Variants in CYP4F11 observed in about 807,000 individuals in gnomAD.
CYP4F11 encodes cytochrome P450 4F11.
In CYP4F11, 79 loss-of-function variants were observed where a neutral mutation model predicts 62.2. The observed-to-expected ratio is 1.27, with a 90% CI of 1.06 to 1.53. The LOEUF is 1.53. Ranked by LOEUF, CYP4F11 falls within the 40% of genes most tolerant of loss-of-function variation. The pLI is 0.00. For synonymous variants in CYP4F11, 290 were observed against 263.7 expected, an observed-to-expected ratio of 1.10 and a Z score of -0.97; for missense variants, 777 against 680.5, an observed-to-expected ratio of 1.14 and a Z score of -1.58.
chr19:15,914,231 C>G (rs1374394869), intron 11 of CYP4F11, 74 bp downstream of exon 11: 1 of 1,508,338 alleles, frequency 6.6e-7, no homozygotes, highest in East Asian at 2.3e-5. Context: ...GAACTGGGAC[C>G]ATCTGTAACT....
chr19:15,929,622 G>A (rs999433125), intron 1 of CYP4F11, 21 bp from the exon 2 acceptor site: 22 of 1,566,780 alleles, frequency 1.4e-5, no homozygotes, highest in East Asian at 6.8e-5. Flanking sequence ...GGCAGAGGCC[G>A]TCAGCCCTTG....
At chr19:15,919,986 A>C (rs1229592127) in intron 8 of CYP4F11, among the ~76,000 whole-genome samples, 1 of 152,178 alleles carries the variant, frequency 6.6e-6, no homozygotes, top group Non-Finnish European at 1.5e-5. Context: ...GGGAGGAAAA[A>C]GTTTTGAGAT....
intron 4 of CYP4F11, among the ~76,000 whole-genome samples, chr19:15,925,129 T>G (rs2089659145): frequency 6.6e-6 from 1 of 152,180 alleles, no homozygotes; most frequent in South Asian, 2.1e-4. Context: ...TGTGTGCTCT[T>G]GGTCAACCTC....
At chr19:15,927,396 G>T (rs1363783993) in intron 3 of CYP4F11, 34 bp downstream of exon 3, 2 of 1,614,050 alleles carry the variant, frequency 1.2e-6, no homozygotes, top group East Asian at 2.2e-5. Flanking sequence ...ATCCCTAAAG[G>T]ATATCCCCAA....
Position 15,934,346 on chromosome 19 carries a change from A to T in CYP4F11, c.63T>A (p.Leu21=). 6.2e-7 allele frequency: 1 copy of T among 1,613,348 alleles called. No individual in the cohort carries two copies. Among genetic ancestry groups the T allele is most frequent in the Non-Finnish European group, 8.5e-7 (1 of 1,179,626 alleles). Residue 21 remains leucine, a synonymous_variant, in exon 1 of 12, where the codon CTT becomes CTA. Transcript: ENST00000402119. ...LGPVAASPWL[L]LLLVGGSWLL... is the part of the protein sequence containing the mutation. The stretch of plus-strand genomic sequence containing the variant: ...GCCAGGAGCCTCCAACCAGCAGCAG[A>T]AGCAGCCACGGGGATGCTGCCACGG...
intron 8 of CYP4F11, among the ~76,000 whole-genome samples, chr19:15,918,582 T>C (rs2089599433): frequency 6.6e-6 from 1 of 152,180 alleles, no homozygotes; most frequent in African/African-American, 2.4e-5. Flanking sequence ...AATTGCACTT[T>C]TGGGAATTTG....
intron 6 of CYP4F11, 25 bp from the exon 7 acceptor site, chr19:15,922,455 C>T (rs1410976676): frequency 1.2e-6 from 2 of 1,611,904 alleles, no homozygotes; most frequent in Non-Finnish European, 1.7e-6. Context: ...AGACAATATC[C>T]CTGCCCCAAA....
intron 8 of CYP4F11, among the ~76,000 whole-genome samples, 162 bp downstream of exon 8, chr19:15,921,875 C>A (rs962274940): frequency 2.0e-5 from 3 of 152,206 alleles, no homozygotes; most frequent in Non-Finnish European, 4.4e-5. Context: ...TGCAAACCAT[C>A]CCCTGCTGGC....
intron 1 of CYP4F11, among the ~76,000 whole-genome samples, chr19:15,931,015 T>C (rs2089710596): frequency 6.6e-6 from 1 of 152,080 alleles, no homozygotes; most frequent in African/African-American, 2.4e-5. Flanking sequence ...CAAGGCCATG[T>C]CCCCCAAATG....
In CYP4F11 at chr19:15,923,907, G is replaced by A. The variant is rs201985393; in HGVS notation, c.823C>T (p.Arg275Cys). Residue 275 changes from arginine (R) to cysteine (C), a missense_variant, in exon 6 of 12, where the codon CGC becomes TGC. Coordinates refer to ENST00000402119, the MANE Select transcript of CYP4F11 (RefSeq NM_021187.4). ...ATACCCTGAGTGGGGAGGGTGCAGC[G>A]CCGCTCCTGGATGACGGCATCTGTG... The part of the protein sequence containing the change: ...DFTDAVIQER[R>C]CTLPTQGIDD... 4.2e-4 allele frequency: 678 copies of A among 1,614,138 alleles called. 1 individual carries two copies. The highest frequency in any genetic ancestry group is 5.3e-4 in the Non-Finnish European group (624 of 1,180,024).
chr19:15,920,427 A>G (rs2089616790), intron 8 of CYP4F11, among the ~76,000 whole-genome samples: 1 of 152,228 alleles, frequency 6.6e-6, no homozygotes, highest in Non-Finnish European at 1.5e-5. Context: ...TGCCAGAGTG[A>G]GGAGTGTGAG....
At chr19:15,934,594 T>C (rs1354172339), upstream of CYP4F11, 2 of 643,546 alleles carry the variant, frequency 3.1e-6, no homozygotes, top group African/African-American at 1.9e-5. Context: ...AGCAGCCAAG[T>C]GGCCTCCAGT....
chr19:15,913,674 G>A lies in CYP4F11; in HGVS notation c.*58C>T. ...TGGCTGTCAACGAGGCTCAAGCAGA[G>A]GTGTCAGCATAGTTTTGTTTCTGGG... On this transcript the variant is annotated 3_prime_UTR_variant, in exon 12 of 12. Coordinates refer to ENST00000402119, the MANE Select transcript of CYP4F11 (RefSeq NM_021187.4). The A allele has an allele frequency of 1.2e-6, 2 of 1,603,996 alleles. No individual in the cohort carries two copies. Among genetic ancestry groups the A allele is most frequent in the Non-Finnish European group, 1.7e-6 (2 of 1,172,210 alleles).
intron 4 of CYP4F11, among the ~76,000 whole-genome samples, chr19:15,925,490 G>T (rs2089661657): frequency 6.6e-6 from 1 of 151,928 alleles, no homozygotes; most frequent in Non-Finnish European, 1.5e-5. Context: ...CTTGGGAGGG[G>T]AACATTACAC....
At chr19:15,930,278 C>G (rs2089702267) in intron 1 of CYP4F11, among the ~76,000 whole-genome samples, 1 of 152,162 alleles carries the variant, frequency 6.6e-6, no homozygotes, top group African/African-American at 2.4e-5. Flanking sequence ...CTCCTTCTCT[C>G]TTGGGGCTGT....
chr19:15,927,074 C>T (rs1339238404), intron 4 of CYP4F11, 138 bp downstream of exon 4: 4 of 1,000,078 alleles, frequency 4.0e-6, no homozygotes, highest in Admixed American at 5.6e-5. Context: ...ATTGTTATTC[C>T]CATTTTACAG....
Position 15,934,347 on chromosome 19 carries a change from A to G in CYP4F11, c.62T>C (p.Leu21Pro). Reference sequence around the variant, plus strand: ...CCAGGAGCCTCCAACCAGCAGCAGAAGCAGCCACGGGGATGCTGCCACGGG... The same window carrying G: ...CCAGGAGCCTCCAACCAGCAGCAGAGGCAGCCACGGGGATGCTGCCACGGG... ...LGPVAASPWL[L>P]LLLVGGSWLL... The change falls in exon 1 of 12, where the codon CTT becomes CCT. Residue 21 changes from leucine (L) to proline (P), a missense_variant. Physicochemically the swap from Leu to Pro is moderately conservative, Grantham distance 98. Transcript: ENST00000402119. 2 of 1,613,488 alleles carry G rather than the reference A, an allele frequency of 1.2e-6. No individual in the cohort carries two copies. The highest frequency in any genetic ancestry group is 1.7e-6 in the Non-Finnish European group (2 of 1,179,680).
At chr19:15,919,497 TA>T (rs1260576591) in intron 8 of CYP4F11, among the ~76,000 whole-genome samples, 1 of 148,848 alleles carries the variant, frequency 6.7e-6, no homozygotes, top group Non-Finnish European at 1.5e-5. Context: ...GATAGATAGA[TA>T]GATAGATAGA....
At position 15,922,388 on chromosome 19, in the gene CYP4F11, C is replaced by T; in HGVS notation, c.961G>A (p.Glu321Lys). 1 of 1,614,200 alleles carries T rather than the reference C, an allele frequency of 6.2e-7. No homozygotes were observed. Among genetic ancestry groups the T allele is most frequent in the Non-Finnish European group, 8.5e-7 (1 of 1,180,046 alleles). The part of the protein sequence containing the change: ...KELSDEDIRA[E>K]ADTFMFEGHD... ...CCCTCAAACATGAAGGTGTCAGCTT[C>T]TGCTCTTATGTCCTCATCAGACAAT... The change falls in exon 7 of 12, where the codon GAA becomes AAA. Residue 321 changes from glutamate to lysine, a missense_variant. Glu to Lys is a moderately conservative substitution (Grantham distance 56, BLOSUM62 1). Coordinates refer to ENST00000402119, the MANE Select transcript of CYP4F11 (RefSeq NM_021187.4).
Sources: gnomAD v4.1 joint callset for allele counts (sites outside exome capture counted in the v4.1 genomes callset) on GRCh38, gnomAD v4.1.1 for gene constraint, MANE v1.5 for transcripts, NCBI Gene and HGNC (gene_info 2026-07-23, HGNC 2026-07-21) for gene names.